The following SLC8A1 variants were observed in gnomAD, a reference collection of about 807,000 sequenced individuals.
SLC8A1 encodes the protein sodium/calcium exchanger 1.
In SLC8A1, 18 loss-of-function variants were observed where a neutral mutation model predicts 68.3. The ratio of observed to expected loss-of-function variants is 0.26; its 90% confidence interval spans 0.18 to 0.39. SLC8A1 has a LOEUF of 0.39. Among genes scored for constraint, SLC8A1 ranks in the 10% least tolerant of loss-of-function variants. The pLI, the probability that SLC8A1 is intolerant of heterozygous loss-of-function variation, is 1.00. For synonymous variants in SLC8A1, 475 were observed against 415.5 expected, an observed-to-expected ratio of 1.14 and a Z score of -1.74; for missense variants, 985 against 1,156.7, an observed-to-expected ratio of 0.85 and a Z score of 2.15.
At chr2:40,122,205 C>CGT (rs1165532966) in intron 7 of SLC8A1, among the ~76,000 whole-genome samples, 2 of 110,032 alleles carry the variant, frequency 1.8e-5, no homozygotes, top group African/African-American at 2.7e-5. Context: ...CATGCGCGCG[C>CGT]GCACACACAC....
intron 2 of SLC8A1, among the ~76,000 whole-genome samples, chr2:40,325,142 T>C (rs957733603): frequency 3.3e-5 from 5 of 152,168 alleles, no homozygotes; most frequent in African/African-American, 1.2e-4. Flanking sequence ...TAATTCCTTA[T>C]AGGGAAAACA....
At chr2:40,313,780 G>C (rs769028326) in intron 2 of SLC8A1, among the ~76,000 whole-genome samples, 10 of 152,156 alleles carry the variant, frequency 6.6e-5, no homozygotes, top group Non-Finnish European at 1.2e-4. Context: ...TTTCCCTAGT[G>C]AGTAAATGAT....
At chr2:40,175,814 G>A (rs1302707329) in intron 3 of SLC8A1, among the ~76,000 whole-genome samples, 1 of 152,096 alleles carries the variant, frequency 6.6e-6, no homozygotes. Context: ...TGCCTGGAAA[G>A]AAAGTTTAGC....
rs147580641 is a variant in SLC8A1, at chr2:40,409,119, C to T, written c.1808+19354G>A. ...TTCTGTAGTCATTTACATTTTGAGA[C>T]AATGAGACAAGAATACAAGGTCCTT... On this transcript the variant is annotated intron_variant, in intron 2 of 7. Coordinates refer to ENST00000406785, the Ensembl canonical transcript of SLC8A1. Among the ~76,000 whole-genome samples the T allele has an allele frequency of 9.5e-4, 145 of 152,160 alleles. 1 individual carries two copies. The highest frequency in any genetic ancestry group is 3.4e-3 in the Middle Eastern group (1 of 294).
At chr2:40,466,005 C>T (rs1703648337) in intron 1 of SLC8A1, among the ~76,000 whole-genome samples, 1 of 152,130 alleles carries the variant, frequency 6.6e-6, no homozygotes. Flanking sequence ...GAGGACACAG[C>T]AAGAAGGCCC....
intron 2 of SLC8A1, among the ~76,000 whole-genome samples, chr2:40,351,959 T>A (rs1408272632): frequency 6.6e-6 from 1 of 152,150 alleles, no homozygotes; most frequent in Non-Finnish European, 1.5e-5. Flanking sequence ...ATATGTGCAT[T>A]CATAAAGAAT....
chr2:40,489,478 C>T (rs541523809), intron 1 of SLC8A1, among the ~76,000 whole-genome samples: 1 of 152,168 alleles, frequency 6.6e-6, no homozygotes, highest in South Asian at 2.1e-4. Context: ...TGCCTTTTCA[C>T]CCACCGAAAA....
intron 2 of SLC8A1, among the ~76,000 whole-genome samples, chr2:40,242,309 C>G (rs1002256671): frequency 1.3e-5 from 2 of 152,096 alleles, no homozygotes; most frequent in Non-Finnish European, 2.9e-5. Context: ...GGAAAACAAA[C>G]TAAAACATAA....
intron 2 of SLC8A1, among the ~76,000 whole-genome samples, chr2:40,288,716 G>A (rs938546116): frequency 2.0e-5 from 3 of 151,866 alleles, no homozygotes; most frequent in Non-Finnish European, 4.4e-5. Context: ...TTTTCCTTGG[G>A]GATGGATGTT....
chr2:40,356,665 C>T (rs369477082), intron 2 of SLC8A1, among the ~76,000 whole-genome samples: 4 of 151,478 alleles, frequency 2.6e-5, no homozygotes, highest in African/African-American at 4.9e-5. Context: ...TTCAAAATCA[C>T]GTATGGCCCC....
At chr2:40,208,309 T>A (rs1182705094) in intron 2 of SLC8A1, 1 of 152,080 alleles carries the variant, frequency 6.6e-6, no homozygotes, top group Non-Finnish European at 1.5e-5. Flanking sequence ...ATCAAATGCT[T>A]TTTGCAAAAA....
At chr2:40,332,140 T>C (rs1300127561) in intron 2 of SLC8A1, among the ~76,000 whole-genome samples, 1 of 152,058 alleles carries the variant, frequency 6.6e-6, no homozygotes, top group Middle Eastern at 3.2e-3. Context: ...AGAGATTTAC[T>C]AAAAGGCTTG....
chr2:40,338,309 C>G (rs1470057788), intron 2 of SLC8A1, among the ~76,000 whole-genome samples: 1 of 152,106 alleles, frequency 6.6e-6, no homozygotes, highest in Non-Finnish European at 1.5e-5. Context: ...TTTTACTAAT[C>G]TGTAAACAAA....
At chr2:40,281,310 G>A (rs549167496) in intron 2 of SLC8A1, among the ~76,000 whole-genome samples, 1 of 152,166 alleles carries the variant, frequency 6.6e-6, no homozygotes, top group Admixed American at 6.5e-5. Flanking sequence ...CAGCTGGAAT[G>A]AGAGAAATGG....
intron 1 of SLC8A1, among the ~76,000 whole-genome samples, chr2:40,484,518 G>A (rs542143636): frequency 2.0e-5 from 3 of 152,240 alleles, no homozygotes; most frequent in East Asian, 1.9e-4. Context: ...TGATGATTCC[G>A]CATAAATAGC....
At chr2:40,335,624 A>G (rs948016708) in intron 2 of SLC8A1, among the ~76,000 whole-genome samples, 3 of 152,278 alleles carry the variant, frequency 2.0e-5, no homozygotes, top group Non-Finnish European at 4.4e-5. Flanking sequence ...CTATGCTACA[A>G]TATGACAGCC....
At chr2:40,456,472 A>G (rs1179239844), upstream of SLC8A1, among the ~76,000 whole-genome samples, 1 of 152,194 alleles carries the variant, frequency 6.6e-6, no homozygotes, top group Non-Finnish European at 1.5e-5. Flanking sequence ...ATCTAGAGCT[A>G]TTAATTTAGA....
chr2:40,393,489 T>C (rs1685958173), intron 2 of SLC8A1, among the ~76,000 whole-genome samples: 1 of 152,156 alleles, frequency 6.6e-6, no homozygotes, highest in Non-Finnish European at 1.5e-5. Context: ...CACTGTTTCT[T>C]TAATCCTTTA....
intron 2 of SLC8A1, among the ~76,000 whole-genome samples, chr2:40,329,784 C>G (rs10178364): frequency 0.072 from 10,909 of 152,146 alleles, 1,050 homozygotes; most frequent in African/African-American, 0.21. Context: ...GCAAGTATTC[C>G]TCAATCCCAT....
Sources: gnomAD v4.1 joint callset for allele counts (sites outside exome capture counted in the v4.1 genomes callset) on GRCh38, gnomAD v4.1.1 for gene constraint, MANE v1.5 for transcripts, NCBI Gene and HGNC (gene_info 2026-07-23, HGNC 2026-07-21) for gene names.